Variants in JAKMIP2 observed in about 807,000 individuals in gnomAD.
JAKMIP2 encodes janus kinase and microtubule-interacting protein 2.
A neutral mutation model predicts 115.0 loss-of-function variants in JAKMIP2; 25 were observed. The observed-to-expected ratio is 0.22, with a 90% CI of 0.16 to 0.30. JAKMIP2 has a LOEUF of 0.30. JAKMIP2 is among the 10% of genes least tolerant of loss of function. The pLI is 1.00. For missense variants in JAKMIP2, 642 were observed against 957.6 expected, an observed-to-expected ratio of 0.67 and a Z score of 4.35; for synonymous variants, 334 against 343.6, an observed-to-expected ratio of 0.97 and a Z score of 0.31.
intron 4 of JAKMIP2, 112 bp from the exon 5 acceptor site, chr5:147,648,586 G>A: frequency 1.6e-6 from 1 of 639,990 alleles, no homozygotes; most frequent in Non-Finnish European, 2.8e-6. Context: ...TCTGGCTCCT[G>A]AAGTGAGAAT....
intron 1 of JAKMIP2, among the ~76,000 whole-genome samples, chr5:147,707,347 A>G (rs1752618136): frequency 6.6e-6 from 1 of 152,194 alleles, no homozygotes; most frequent in Non-Finnish European, 1.5e-5. Flanking sequence ...CTTAAAGTCC[A>G]GCTATTTTAG....
intron 3 of JAKMIP2, 193 bp downstream of exon 3, chr5:147,660,755 T>C (rs1218583117): frequency 3.3e-6 from 2 of 610,158 alleles, no homozygotes; most frequent in African/African-American, 3.7e-5. Context: ...ACAATTTCAA[T>C]TTTGGCCTGA....
intron 1 of JAKMIP2, among the ~76,000 whole-genome samples, chr5:147,761,177 A>C (rs1477777428): frequency 2.0e-5 from 3 of 152,152 alleles, no homozygotes; most frequent in Non-Finnish European, 4.4e-5. Flanking sequence ...GTTGTACAAG[A>C]AAAGCACTGA....
intron 1 of JAKMIP2, among the ~76,000 whole-genome samples, chr5:147,775,181 C>T (rs1202399478): frequency 6.6e-6 from 1 of 152,196 alleles, no homozygotes; most frequent in Non-Finnish European, 1.5e-5. Context: ...GTCCGTGTGT[C>T]TGTCAAGCTA....
At chr5:147,689,830 TAC>T (rs1209172533) in intron 1 of JAKMIP2, among the ~76,000 whole-genome samples, 1 of 152,170 alleles carries the variant, frequency 6.6e-6, no homozygotes, top group Non-Finnish European at 1.5e-5. Flanking sequence ...ATTCACTGCA[TAC>T]ACAGTTTTAG....
chr5:147,736,151 T>C (rs920232228), intron 1 of JAKMIP2, among the ~76,000 whole-genome samples: 1 of 152,140 alleles, frequency 6.6e-6, no homozygotes, highest in Non-Finnish European at 1.5e-5. Context: ...TATTTCCTGA[T>C]TAATTAAAAT....
At chr5:147,770,204 G>T (rs1424047177) in intron 1 of JAKMIP2, among the ~76,000 whole-genome samples, 2 of 151,734 alleles carry the variant, frequency 1.3e-5, no homozygotes, top group African/African-American at 4.8e-5. Context: ...ACTGTTTAAA[G>T]GGCTTCATTG....
rs760413693 is a variant in JAKMIP2, at chr5:147,623,721, A to G, written c.1996-32T>C. ...GGTTAACAAGACAAAAGTGTTTGAC[A>G]TGGCTGCTTGATATGGTGTATATCT... On this transcript the variant is annotated intron_variant, in intron 16 of 21. Transcript: ENST00000616793. 4.1e-6 allele frequency: 6 copies of G among 1,458,496 alleles called. No homozygotes were observed. The Admixed American group carries it at 5.0e-5, about 12-fold the overall frequency. The allele number at this position is 1,458,496 out of a possible 1,614,324, so 90.3% of individuals were successfully genotyped here.
chr5:147,690,548 T>TA (rs1293928062), intron 1 of JAKMIP2, among the ~76,000 whole-genome samples: 2 of 43,882 alleles, frequency 4.6e-5, no homozygotes, highest in Non-Finnish European at 7.9e-5. Context: ...ATTATATATA[T>TA]ATATATATAT....
chr5:147,603,661 T>G lies in JAKMIP2; in HGVS notation c.2413-1850A>C, dbSNP rs75881776. Among the ~76,000 whole-genome samples, 956 of 152,302 alleles carry G rather than the reference T, an allele frequency of 6.3e-3. 52 individuals are homozygous for G. In the East Asian group the frequency reaches 0.13, roughly 21 times the overall value. On this transcript the variant is annotated intron_variant, in intron 20 of 21. Transcript: ENST00000616793. Reference sequence around the variant, plus strand: ...GTCAACTGGATTGTTTTTGAAGTGGTTGAATTTGCTACCATATGTGAAATA... The same window carrying G: ...GTCAACTGGATTGTTTTTGAAGTGGGTGAATTTGCTACCATATGTGAAATA...
chr5:147,713,392 C>A (rs1235425470), intron 1 of JAKMIP2, among the ~76,000 whole-genome samples: 3 of 151,974 alleles, frequency 2.0e-5, no homozygotes, highest in African/African-American at 7.2e-5. Context: ...TCACTATATA[C>A]CAGGTACTAT....
intron 1 of JAKMIP2, among the ~76,000 whole-genome samples, chr5:147,762,473 G>T (rs1213610713): frequency 1.3e-5 from 2 of 152,052 alleles, no homozygotes; most frequent in African/African-American, 4.8e-5. Flanking sequence ...GCAAGCCAAA[G>T]TGTTGGAAGG....
intron 1 of JAKMIP2, among the ~76,000 whole-genome samples, chr5:147,738,014 C>A (rs1201192018): frequency 6.6e-6 from 1 of 151,586 alleles, no homozygotes; most frequent in East Asian, 1.9e-4. Flanking sequence ...TTAAAAGAAA[C>A]AATTTATTTA....
At chr5:147,720,817 A>T (rs1308260586) in intron 1 of JAKMIP2, among the ~76,000 whole-genome samples, 2 of 151,882 alleles carry the variant, frequency 1.3e-5, no homozygotes, top group African/African-American at 4.8e-5. Context: ...GCTCAGAGTA[A>T]TTTGATCATC....
At chr5:147,678,623 T>C (rs555705190) in intron 1 of JAKMIP2, among the ~76,000 whole-genome samples, 111 of 152,246 alleles carry the variant, frequency 7.3e-4, no homozygotes, top group South Asian at 2.1e-3. Flanking sequence ...AATCAAGAAA[T>C]TGGAAACATC....
At chr5:147,779,220 C>T (rs1482299350) in intron 1 of JAKMIP2, among the ~76,000 whole-genome samples, 1 of 152,028 alleles carries the variant, frequency 6.6e-6, no homozygotes, top group East Asian at 1.9e-4. Flanking sequence ...AAATAAGAAA[C>T]ATCCTATTAC....
At chr5:147,762,158 C>T (rs1484147476) in intron 1 of JAKMIP2, among the ~76,000 whole-genome samples, 1 of 152,078 alleles carries the variant, frequency 6.6e-6, no homozygotes, top group African/African-American at 2.4e-5. Flanking sequence ...TATATGCACA[C>T]ATGCACAGAT....
rs113120230 is a variant in JAKMIP2, at chr5:147,587,899, G to A, written c.*3808C>T. The A allele has an allele frequency of 2.0e-5, 3 of 151,224 alleles. No individual in the cohort carries two copies. The highest frequency in any genetic ancestry group is 4.4e-5 in the Non-Finnish European group (3 of 67,902). 9.4% of individuals were successfully genotyped at this position (151,224 alleles called of 1,614,324 possible). A position where few individuals can be genotyped will look rare whatever the true frequency, so the allele number is the denominator to read the frequency against. ...GCCTTCTATATCAGCTCTACCTTAT[G>A]GACTTGGGAAGACACATACAACCTG... On this transcript the variant is annotated 3_prime_UTR_variant, in exon 22 of 22. Transcript: ENST00000616793.
chr5:147,720,329 G>T, intron 1 of JAKMIP2, among the ~76,000 whole-genome samples: 1 of 150,610 alleles, frequency 6.6e-6, no homozygotes. Context: ...TATGTGTCTT[G>T]GAGTTGCTCT....
Sources: gnomAD v4.1 joint callset for allele counts (sites outside exome capture counted in the v4.1 genomes callset) on GRCh38, gnomAD v4.1.1 for gene constraint, MANE v1.5 for transcripts, NCBI Gene and HGNC (gene_info 2026-07-23, HGNC 2026-07-21) for gene names.